DEPDC5: variants seen among roughly 807,000 people sequenced by gnomAD.
The protein encoded by DEPDC5 is GATOR1 complex protein DEPDC5.
Under a neutral mutation model 217.3 loss-of-function variants are expected in DEPDC5, and 73 were observed. The ratio of observed to expected loss-of-function variants is 0.34; its 90% CI spans 0.28 to 0.41. The LOEUF (loss-of-function observed/expected upper bound fraction) is 0.41. Ranked by LOEUF, DEPDC5 falls within the 10% of genes least tolerant of loss-of-function variation. The probability of loss-of-function intolerance (pLI) is 1.00; values close to 1 mark genes in which losing one functional copy is unlikely to be tolerated. For synonymous variants in DEPDC5, 733 were observed against 756.7 expected, an observed-to-expected ratio of 0.97 and a Z score of 0.51; for missense variants, 1,675 against 2,070.1, an observed-to-expected ratio of 0.81 and a Z score of 3.70.
intron 38 of DEPDC5, among the ~76,000 whole-genome samples, chr22:31,883,657 A>G (rs1461020628): frequency 6.6e-6 from 1 of 152,216 alleles, no homozygotes; most frequent in Non-Finnish European, 1.5e-5. Context: ...GAGGCGAAGT[A>G]ATTTGCCCAA....
At chr22:31,765,350 C>G (rs1386148825) in intron 5 of DEPDC5, among the ~76,000 whole-genome samples, 1 of 152,008 alleles carries the variant, frequency 6.6e-6, no homozygotes, top group African/African-American at 2.4e-5. Flanking sequence ...AGTGCAGTGG[C>G]GTGATCTCGG....
At chr22:31,778,001 G>T in intron 7 of DEPDC5, 98 bp from the exon 8 acceptor site, 1 of 1,362,132 alleles carries the variant, frequency 7.3e-7, no homozygotes, top group Admixed American at 1.7e-5. Flanking sequence ...GCCCGCCTTG[G>T]CTTCCCAAAG....
At position 31,766,456 on chromosome 22, in the gene DEPDC5, G is replaced by T; in HGVS notation, c.280-129G>T. ...ATATAATTCTGTTCATCAGAGTTCTGCTACTGAATGGTCTTCCAGTAGTTT... is the reference window on the plus strand; with the variant it reads ...ATATAATTCTGTTCATCAGAGTTCTTCTACTGAATGGTCTTCCAGTAGTTT... On this transcript the variant is annotated intron_variant, in intron 5 of 42. Transcript: ENST00000651528. 3 of 806,060 alleles carry T rather than the reference G, an allele frequency of 3.7e-6. No individual in the cohort carries two copies. The South Asian group carries it at 4.6e-5, about 12-fold the overall frequency. 49.9% of individuals were successfully genotyped at this position (806,060 alleles called of 1,614,324 possible).
At position 31,857,548 on chromosome 22, in the gene DEPDC5, C is replaced by G. The variant is rs587777458; in HGVS notation, c.3259C>G (p.Arg1087Gly). The G allele has an allele frequency of 1.2e-6, 2 of 1,610,052 alleles. No homozygotes were observed. Among genetic ancestry groups the G allele is most frequent in the Admixed American group, 1.7e-5 (1 of 59,524 alleles). Residue 1087 changes from arginine to glycine, a missense_variant, in exon 32 of 43, where the codon CGA becomes GGA. By Grantham distance (125) the Arg-to-Gly change is moderately radical (BLOSUM62 -2). Coordinates refer to ENST00000651528, the MANE Select transcript of DEPDC5 (RefSeq NM_001242896.3). ...GACTCCCACCTACATGGACAGCCCA[C>G]GAAAGGTAAAGGAAGCCGCGGTAGC... ...AMTPTYMDSP[R>G]KDGAFFMEFV...
chr22:31,887,920 AT>A (rs1276825490), intron 38 of DEPDC5, among the ~76,000 whole-genome samples: 10 of 152,336 alleles, frequency 6.6e-5, no homozygotes, highest in Admixed American at 1.3e-4. Context: ...CAGAAAAAAA[AT>A]AACATGATTT....
intron 38 of DEPDC5, among the ~76,000 whole-genome samples, chr22:31,892,599 A>G (rs956947324): frequency 3.5e-4 from 54 of 152,302 alleles, no homozygotes; most frequent in African/African-American, 1.3e-3. Context: ...CAAGAGAATC[A>G]CTTGAGCCTG....
chr22:31,810,570 T>TTATGACGCC lies in DEPDC5; in HGVS notation c.1383_1391dup (p.Tyr462_Ala464dup). ...AGAACGCCCTTCCCATCCAAGTAGA[T>TTATGACGCC]TATGACGCCTATGACGCTCAAGTGT... On this transcript the variant is annotated inframe_insertion, in exon 20 of 43. Coordinates refer to ENST00000651528, the MANE Select transcript of DEPDC5 (RefSeq NM_001242896.3). 1 of 1,614,166 alleles carries TTATGACGCC rather than the reference T, an allele frequency of 6.2e-7. No homozygotes were observed.
chr22:31,759,763 A>G (rs1277548097), intron 3 of DEPDC5, among the ~76,000 whole-genome samples: 1 of 146,734 alleles, frequency 6.8e-6, no homozygotes, highest in African/African-American at 2.5e-5. Context: ...GCTCACTGCA[A>G]CCTCTGCCTC....
At chr22:31,859,484 C>T (rs1376580160) in intron 32 of DEPDC5, among the ~76,000 whole-genome samples, 3 of 147,614 alleles carry the variant, frequency 2.0e-5, no homozygotes, top group Non-Finnish European at 4.5e-5. Context: ...CTCAGCCTCC[C>T]GGGTTCAAGC....
At chr22:31,890,034 G>A (rs1305888134) in intron 38 of DEPDC5, among the ~76,000 whole-genome samples, 1 of 152,074 alleles carries the variant, frequency 6.6e-6, no homozygotes, top group African/African-American at 2.4e-5. Flanking sequence ...GCCTAAATTG[G>A]GAGAAGAGAC....
At chr22:31,839,134 C>T (rs1057401264) in intron 27 of DEPDC5, among the ~76,000 whole-genome samples, 4 of 152,354 alleles carry the variant, frequency 2.6e-5, no homozygotes, top group South Asian at 4.1e-4. Context: ...AGCTGAGTCA[C>T]TACTGAGCTG....
chr22:31,769,519 C>T (rs1427642329), intron 7 of DEPDC5: 1 of 152,126 alleles, frequency 6.6e-6, no homozygotes, highest in East Asian at 1.9e-4. Context: ...ACATTGGCTC[C>T]TGATTTGTTA....
intron 6 of DEPDC5, 64 bp from the exon 7 acceptor site, chr22:31,768,750 C>T: frequency 1.5e-6 from 2 of 1,361,946 alleles, no homozygotes; most frequent in African/African-American, 1.4e-5. Context: ...TAATCAATCT[C>T]TCTCTCTTTC....
chr22:31,807,385 A>G (rs2087676136), intron 18 of DEPDC5, among the ~76,000 whole-genome samples: 3 of 152,226 alleles, frequency 2.0e-5, no homozygotes, highest in African/African-American at 7.2e-5. Context: ...TATATTTGCA[A>G]CTGATAAAAA....
At chr22:31,806,727 T>A (rs2087584803) in intron 18 of DEPDC5, among the ~76,000 whole-genome samples, 1 of 152,152 alleles carries the variant, frequency 6.6e-6, no homozygotes, top group Non-Finnish European at 1.5e-5. Flanking sequence ...AAATTCTGGC[T>A]GTGTGCAGTG....
chr22:31,770,174 G>A (rs1006184024), intron 7 of DEPDC5, among the ~76,000 whole-genome samples: 21 of 151,730 alleles, frequency 1.4e-4, no homozygotes, highest in South Asian at 2.1e-4. Context: ...GGTTGGGGCT[G>A]CAGTGAGACA....
intron 8 of DEPDC5, among the ~76,000 whole-genome samples, chr22:31,779,654 G>A (rs1271847716): frequency 1.3e-5 from 2 of 152,180 alleles, no homozygotes; most frequent in Admixed American, 1.3e-4. Context: ...TACTCATTCA[G>A]TTGTGTTTTG....
intron 38 of DEPDC5, among the ~76,000 whole-genome samples, chr22:31,882,467 A>G (rs1345429623): frequency 1.3e-5 from 2 of 152,236 alleles, no homozygotes; most frequent in African/African-American, 4.8e-5. Flanking sequence ...TTCCTTTCAA[A>G]TAAATTTCAA....
chr22:31,834,572 A>G (rs1223937288), intron 25 of DEPDC5, among the ~76,000 whole-genome samples: 1 of 148,332 alleles, frequency 6.7e-6, no homozygotes, highest in African/African-American at 2.5e-5. Flanking sequence ...GCTGGAGTGC[A>G]GTGACGTGAT....
Sources: allele counts gnomAD v4.1 joint callset (sites outside exome capture counted in the v4.1 genomes callset), GRCh38; gene constraint gnomAD v4.1.1; transcripts MANE v1.5; gene names NCBI Gene and HGNC (gene_info 2026-07-23, HGNC 2026-07-21).